The following RAB2A variants were observed in gnomAD, a reference collection of about 807,000 sequenced individuals.
RAB2A encodes ras-related protein Rab-2A.
A neutral mutation model predicts 32.5 loss-of-function variants in RAB2A; 7 were observed. The observed-to-expected ratio is 0.22, with a 90% CI of 0.12 to 0.40. RAB2A has a LOEUF of 0.40. RAB2A is among the 10% of genes least tolerant of loss of function. The pLI is 1.00. For missense variants in RAB2A, 108 were observed against 260.7 expected, an observed-to-expected ratio of 0.41 and a Z score of 4.03; for synonymous variants, 79 against 85.2, an observed-to-expected ratio of 0.93 and a Z score of 0.40.
rs184591224 is a variant in RAB2A, at chr8:60,605,681, G to C, written c.475-12899G>C. On this transcript the variant is annotated intron_variant, in intron 6 of 7. Transcript: ENST00000262646. ...TAAGATTTGATGACTGCCCTGCTGG[G>C]TTTTGAACTTGTATGGCACCTATAG... 2.6e-5 allele frequency among the ~76,000 whole-genome samples: 4 copies of C among 152,158 alleles called. No homozygotes were observed. The East Asian group carries it at 7.7e-4, about 29-fold the overall frequency.
chr8:60,521,366 G>C (rs1807300205), intron 1 of RAB2A, among the ~76,000 whole-genome samples: 1 of 152,102 alleles, frequency 6.6e-6, no homozygotes, highest in Non-Finnish European at 1.5e-5. Context: ...ATAGAGACTT[G>C]GGAGCTAATA....
intron 1 of RAB2A, among the ~76,000 whole-genome samples, chr8:60,534,022 T>A (rs975763569): frequency 6.6e-6 from 1 of 151,912 alleles, no homozygotes; most frequent in Non-Finnish European, 1.5e-5. Flanking sequence ...TTGTGGGCAG[T>A]CCCTGTGCTG....
At chr8:60,545,576 G>A (rs918260777) in intron 1 of RAB2A, among the ~76,000 whole-genome samples, 1 of 152,204 alleles carries the variant, frequency 6.6e-6, no homozygotes, top group African/African-American at 2.4e-5. Context: ...CATCACACCC[G>A]GCAAGGAATC....
intron 5 of RAB2A, 168 bp from the exon 6 acceptor site, chr8:60,591,690 G>A: frequency 4.3e-6 from 2 of 467,140 alleles, no homozygotes; most frequent in Non-Finnish European, 7.9e-6. Context: ...ACTAGACAGT[G>A]TGTTCTAAAT....
intron 1 of RAB2A, among the ~76,000 whole-genome samples, chr8:60,525,228 C>T (rs1035110395): frequency 6.6e-6 from 1 of 152,136 alleles, no homozygotes; most frequent in Non-Finnish European, 1.5e-5. Flanking sequence ...GGTCAGTTTC[C>T]CCCATGCTGA....
At chr8:60,591,405 T>C (rs1372952908) in intron 5 of RAB2A, among the ~76,000 whole-genome samples, 2 of 152,130 alleles carry the variant, frequency 1.3e-5, no homozygotes, top group Admixed American at 6.5e-5. Flanking sequence ...TAATGTATCT[T>C]TAGTACTTTG....
At chr8:60,553,788 C>G (rs1363175295) in intron 1 of RAB2A, among the ~76,000 whole-genome samples, 1 of 152,130 alleles carries the variant, frequency 6.6e-6, no homozygotes, top group Non-Finnish European at 1.5e-5. Context: ...GAAATTGATT[C>G]ATTCATTGGC....
intron 3 of RAB2A, 115 bp downstream of exon 3, chr8:60,572,228 C>T: frequency 4.0e-6 from 3 of 756,146 alleles, no homozygotes; most frequent in Non-Finnish European, 6.3e-6. Context: ...ACACTGACTT[C>T]CTGCAGCCAT....
At chr8:60,538,596 G>A (rs1349728607) in intron 1 of RAB2A, among the ~76,000 whole-genome samples, 1 of 152,234 alleles carries the variant, frequency 6.6e-6, no homozygotes, top group African/African-American at 2.4e-5. Flanking sequence ...GCATGGCTGA[G>A]GCCTACTGGA....
At chr8:60,592,647 T>C (rs907497770) in intron 6 of RAB2A, among the ~76,000 whole-genome samples, 1 of 152,198 alleles carries the variant, frequency 6.6e-6, no homozygotes, top group African/African-American at 2.4e-5. Flanking sequence ...ATTTGTATTA[T>C]TTCAGTTATT....
chr8:60,591,835 G>T, intron 5 of RAB2A, 23 bp from the exon 6 acceptor site: 1 of 1,453,014 alleles, frequency 6.9e-7, no homozygotes, highest in Non-Finnish European at 9.6e-7. Context: ...TTAGTAATGT[G>T]ACCCTTTCTT....
chr8:60,554,552 G>T (rs1053234496), intron 1 of RAB2A, among the ~76,000 whole-genome samples: 1 of 152,168 alleles, frequency 6.6e-6, no homozygotes, highest in African/African-American at 2.4e-5. Flanking sequence ...TGGAGCTGAA[G>T]GTATTGAAGT....
chr8:60,620,246 A>G (rs981438064), intron 7 of RAB2A, among the ~76,000 whole-genome samples: 1 of 152,268 alleles, frequency 6.6e-6, no homozygotes, highest in Non-Finnish European at 1.5e-5. Flanking sequence ...ATGACACAGA[A>G]CACTCATATG....
intron 7 of RAB2A, among the ~76,000 whole-genome samples, chr8:60,620,045 C>T (rs941669147): frequency 2.6e-5 from 4 of 152,208 alleles, no homozygotes; most frequent in African/African-American, 4.8e-5. Flanking sequence ...TTTACTGTGA[C>T]GTAAAGTTTC....
chr8:60,566,424 T>C (rs999831016), intron 2 of RAB2A, among the ~76,000 whole-genome samples: 8 of 152,224 alleles, frequency 5.3e-5, no homozygotes, highest in Non-Finnish European at 1.2e-4. Context: ...TTTGTCTTTT[T>C]TTTGTTTGCT....
intron 1 of RAB2A, among the ~76,000 whole-genome samples, chr8:60,527,625 A>G (rs758109925): frequency 1.1e-4 from 16 of 152,316 alleles, no homozygotes; most frequent in Non-Finnish European, 2.4e-4. Flanking sequence ...ATTTATACTC[A>G]AAGTCTATGA....
At chr8:60,590,769 A>G (rs1251645500) in intron 5 of RAB2A, among the ~76,000 whole-genome samples, 2 of 151,812 alleles carry the variant, frequency 1.3e-5, no homozygotes, top group Non-Finnish European at 2.9e-5. Flanking sequence ...TTTGAAAAAC[A>G]TAGTGTTGAC....
At chr8:60,542,471 G>A (rs777811920) in intron 1 of RAB2A, among the ~76,000 whole-genome samples, 11 of 151,962 alleles carry the variant, frequency 7.2e-5, no homozygotes, top group Non-Finnish European at 1.3e-4. Context: ...TGTCGAGATC[G>A]CGCCACTGTA....
rs73683528 is a variant in RAB2A at position 60,600,783 on chromosome 8, G to A, written c.474+8814G>A. On this transcript the variant is annotated intron_variant, in intron 6 of 7. Transcript: ENST00000262646. The stretch of plus-strand genomic sequence containing the variant: ...CTATACAGCAATCTGGATAAATCTG[G>A]AGAGAACTATGCTTAGTGAATCAAG... Among the ~76,000 whole-genome samples, 978 of 152,318 alleles carry A rather than the reference G, an allele frequency of 6.4e-3. 8 individuals carry two copies. Among genetic ancestry groups the A allele is most frequent in the African/African-American group, 0.021 (890 of 41,568 alleles).
Sources: allele counts gnomAD v4.1 joint callset (sites outside exome capture counted in the v4.1 genomes callset), GRCh38; gene constraint gnomAD v4.1.1; transcripts MANE v1.5; gene names NCBI Gene and HGNC (gene_info 2026-07-23, HGNC 2026-07-21).